ZSWIM6: variants seen among roughly 807,000 people sequenced by gnomAD.
The protein encoded by ZSWIM6 is zinc finger SWIM-type containing 6.
ZSWIM6 carries 9 observed loss-of-function variants against 113.2 expected under a neutral mutation model. That is an observed-to-expected ratio of 0.08 (90% CI 0.05 to 0.14). The LOEUF is 0.14. Among genes scored for constraint, ZSWIM6 ranks in the 10% least tolerant of loss-of-function variants. The pLI, the probability that ZSWIM6 is intolerant of heterozygous loss-of-function variation, is 1.00. For synonymous variants in ZSWIM6, 611 were observed against 606.5 expected (o/e 1.01, Z -0.11); for missense variants, 1,162 against 1,552.2 (o/e 0.75, Z 4.22).
intron 2 of ZSWIM6, among the ~76,000 whole-genome samples, chr5:61,474,251 T>G (rs1232042460): frequency 1.2e-4 from 18 of 152,248 alleles, no homozygotes; most frequent in Admixed American, 1.2e-3. Context: ...ACAGTATGAT[T>G]CTTGTATTAC....
In ZSWIM6 at chr5:61,396,898, A is replaced by ATAGT. The variant is rs540341090; in HGVS notation, c.676+63953_676+63956dup. Among the ~76,000 whole-genome samples the ATAGT allele has an allele frequency of 6.3e-3, 953 of 152,304 alleles. 4 individuals are homozygous for ATAGT. The highest frequency in any genetic ancestry group is 8.8e-3 in the Non-Finnish European group (600 of 68,038). Reference sequence around the variant, plus strand: ...TCCTTATTAAATTGTTGAAGTGGACATAGTTATTCTCTTAGGAGTATTATA... The same window carrying ATAGT: ...TCCTTATTAAATTGTTGAAGTGGACATAGTTAGTTATTCTCTTAGGAGTATTATA... On this transcript the variant is annotated intron_variant, in intron 1 of 13. Coordinates refer to ENST00000252744, the MANE Select transcript of ZSWIM6 (RefSeq NM_020928.2).
At chr5:61,535,710 T>C (rs1580070577) in intron 10 of ZSWIM6, 91 bp downstream of exon 10, 2 of 1,449,064 alleles carry the variant, frequency 1.4e-6, no homozygotes. Flanking sequence ...ATGTTTCTTA[T>C]AGGCAGCAGA....
intron 2 of ZSWIM6, among the ~76,000 whole-genome samples, chr5:61,473,867 C>G (rs910565271): frequency 1.3e-5 from 2 of 152,180 alleles, no homozygotes; most frequent in African/African-American, 4.8e-5. Flanking sequence ...GGACTAGTCT[C>G]TCAACCCTAT....
chr5:61,333,009 G>GGGGGGGCGCGC, intron 1 of ZSWIM6, 61 bp downstream of exon 1: 1 of 439,908 alleles, frequency 2.3e-6, no homozygotes, highest in Non-Finnish European at 3.2e-6. Context: ...TGGGGGGGGG[G>GGGGGGGCGCGC]TGCCCGCCTT....
Position 61,538,909 on chromosome 5 carries a change from C to T in ZSWIM6, c.2477C>T (p.Thr826Ile), listed in dbSNP as rs1249328684. Reference sequence around the variant, plus strand: ...CCCAACCGCTACCCTCGCTGGTTCACTCTAAGCCACATTGAGTCCCAGCAG... The same window carrying T: ...CCCAACCGCTACCCTCGCTGGTTCATTCTAAGCCACATTGAGTCCCAGCAG... Reference protein sequence around the residue: ...VVPNRYPRWFTLSHIESQQCE... With the variant: ...VVPNRYPRWFILSHIESQQCE... The change falls in exon 11 of 14, where the codon ACT becomes ATT. Residue 826 changes from threonine to isoleucine, a missense_variant. Physicochemically the swap from Thr to Ile is moderately conservative, Grantham distance 89 (BLOSUM62 -1). This residue lies in a region of ZSWIM6 where 620 missense variants were observed against 804.6 expected (regional missense o/e 0.77). Transcript: ENST00000252744. 1 of 1,552,224 alleles carries T rather than the reference C, an allele frequency of 6.4e-7. No homozygotes were observed. The highest frequency in any genetic ancestry group is 8.7e-7 in the Non-Finnish European group (1 of 1,147,102).
At chr5:61,469,145 C>T (rs1048457864) in intron 1 of ZSWIM6, among the ~76,000 whole-genome samples, 33 of 152,300 alleles carry the variant, frequency 2.2e-4, no homozygotes, top group African/African-American at 7.9e-4. Context: ...GAGGAGTCAT[C>T]CTGGTAGCTG....
chr5:61,390,570 A>G (rs1745686062), intron 1 of ZSWIM6: 1 of 547,186 alleles, frequency 1.8e-6, no homozygotes, highest in Non-Finnish European at 3.4e-6. Context: ...ACTTTTGTGA[A>G]TGAGCATTGT....
intron 1 of ZSWIM6, among the ~76,000 whole-genome samples, chr5:61,412,211 A>G (rs1746161670): frequency 6.6e-6 from 1 of 152,224 alleles, no homozygotes; most frequent in East Asian, 1.9e-4. Context: ...TAAAAAGAGA[A>G]AAACTTCACA....
intron 7 of ZSWIM6, among the ~76,000 whole-genome samples, chr5:61,528,121 C>A (rs189973849): frequency 6.6e-6 from 1 of 151,724 alleles, no homozygotes; most frequent in African/African-American, 2.4e-5. Flanking sequence ...ATTGTTTTTC[C>A]GTATTTTAAA....
At chr5:61,397,784 C>T (rs1745871936) in intron 1 of ZSWIM6, among the ~76,000 whole-genome samples, 1 of 152,082 alleles carries the variant, frequency 6.6e-6, no homozygotes, top group Non-Finnish European at 1.5e-5. Flanking sequence ...CTCACTAACT[C>T]CAAGTGTAGA....
At chr5:61,412,903 A>C (rs1746173817) in intron 1 of ZSWIM6, among the ~76,000 whole-genome samples, 1 of 152,192 alleles carries the variant, frequency 6.6e-6, no homozygotes, top group Non-Finnish European at 1.5e-5. Context: ...GCCAGACTTA[A>C]AGTCAGTTGC....
chr5:61,526,233 T>C lies in ZSWIM6; in HGVS notation c.1691-17T>C, dbSNP rs1379106740. 6.5e-7 allele frequency: 1 copy of C among 1,538,366 alleles called. No individual in the cohort carries two copies. Among genetic ancestry groups the C allele is most frequent in the African/African-American group, 1.4e-5 (1 of 72,334 alleles). ...ATCTGACAGTGGCAACTTTACCCCC[T>C]TGACTTTCTGTTTTAGAACATGTTC... On this transcript the variant is annotated splice_polypyrimidine_tract_variant and intron_variant, in intron 6 of 13. Coordinates refer to ENST00000252744, the MANE Select transcript of ZSWIM6 (RefSeq NM_020928.2).
At chr5:61,340,880 A>T (rs79860205) in intron 1 of ZSWIM6, among the ~76,000 whole-genome samples, 8 of 152,374 alleles carry the variant, frequency 5.3e-5, no homozygotes, top group African/African-American at 1.9e-4. Context: ...TGGTTCTAGC[A>T]TGCTCAGTTC....
chr5:61,481,987 C>A lies in ZSWIM6; in HGVS notation c.1034-8799C>A, dbSNP rs557359140. Among the ~76,000 whole-genome samples, 5 of 152,194 alleles carry A rather than the reference C, an allele frequency of 3.3e-5. No individual in the cohort carries two copies. The East Asian group carries it at 9.7e-4, about 29-fold the overall frequency. ...ATAGACTTTAAAACATTTTAATGGA[C>A]CATTTAATTTACATACATTCAGATT... On this transcript the variant is annotated intron_variant, in intron 2 of 13. Transcript: ENST00000252744.
intron 1 of ZSWIM6, among the ~76,000 whole-genome samples, chr5:61,435,596 G>A (rs1746689293): frequency 6.6e-6 from 1 of 152,192 alleles, no homozygotes; most frequent in Non-Finnish European, 1.5e-5. Flanking sequence ...CCAAATTGCT[G>A]TCAGACTATA....
intron 1 of ZSWIM6, among the ~76,000 whole-genome samples, chr5:61,464,027 T>C (rs1747373058): frequency 6.6e-6 from 1 of 151,982 alleles, no homozygotes; most frequent in Admixed American, 6.6e-5. Context: ...GGTTTCGCTC[T>C]TGTTGCCCAG....
intron 4 of ZSWIM6, among the ~76,000 whole-genome samples, chr5:61,499,407 A>T (rs1179545946): frequency 6.6e-6 from 1 of 152,150 alleles, no homozygotes; most frequent in African/African-American, 2.4e-5. Context: ...AGAGGAACAG[A>T]TGTATTAGAT....
chr5:61,427,307 C>T (rs991701203), intron 1 of ZSWIM6, among the ~76,000 whole-genome samples: 3 of 152,086 alleles, frequency 2.0e-5, no homozygotes, highest in African/African-American at 7.2e-5. Flanking sequence ...TTATATATTG[C>T]ATATATATTT....
chr5:61,337,110 A>G (rs2112021169), intron 1 of ZSWIM6, among the ~76,000 whole-genome samples: 1 of 152,252 alleles, frequency 6.6e-6, no homozygotes, highest in Middle Eastern at 3.4e-3. Flanking sequence ...GCGAAACCTC[A>G]TCTCTACTAA....
Sources: gnomAD v4.1 joint callset for allele counts (sites outside exome capture counted in the v4.1 genomes callset) on GRCh38, gnomAD v4.1.1 for gene constraint, gnomAD v4.1.1 regional missense constraint, MANE v1.5 for transcripts, NCBI Gene and HGNC (gene_info 2026-07-23, HGNC 2026-07-21) for gene names.